The following XYLT1 variants were observed in gnomAD, a reference collection of about 807,000 sequenced individuals.
The protein encoded by XYLT1 is beta-D-xylosyltransferase 1.
XYLT1 carries 36 observed loss-of-function variants against 91.3 expected under a neutral mutation model. The ratio of observed to expected loss-of-function variants is 0.39; its 90% CI spans 0.30 to 0.52. XYLT1 has a LOEUF of 0.52. Among genes scored for constraint, XYLT1 ranks in the 20% least tolerant of loss-of-function variants. The pLI, the probability that XYLT1 is intolerant of heterozygous loss-of-function variation, is 0.68. For synonymous variants in XYLT1, 588 were observed against 532.0 expected, an observed-to-expected ratio of 1.11 and a Z score of -1.45; for missense variants, 1,242 against 1,284.5, an observed-to-expected ratio of 0.97 and a Z score of 0.51.
At chr16:17,343,006 T>C (rs550265411) in intron 2 of XYLT1, among the ~76,000 whole-genome samples, 70 of 152,076 alleles carry the variant, frequency 4.6e-4, no homozygotes, top group Non-Finnish European at 8.4e-4. Context: ...AAAAAACATG[T>C]TTCCAGTCAC....
chr16:17,423,503 G>A (rs1211652119), intron 1 of XYLT1, among the ~76,000 whole-genome samples: 2 of 152,202 alleles, frequency 1.3e-5, no homozygotes, highest in African/African-American at 4.8e-5. Context: ...TCATCCTTGG[G>A]ACTGTGCAGT....
At chr16:17,351,351 A>G (rs2035217434) in intron 2 of XYLT1, among the ~76,000 whole-genome samples, 1 of 152,116 alleles carries the variant, frequency 6.6e-6, no homozygotes, top group Non-Finnish European at 1.5e-5. Context: ...CATTTCTACT[A>G]AAAATACAAA....
chr16:17,229,277 G>A (rs981619227), intron 3 of XYLT1, among the ~76,000 whole-genome samples: 1 of 152,214 alleles, frequency 6.6e-6, no homozygotes, highest in African/African-American at 2.4e-5. Flanking sequence ...GCCCGGGCCA[G>A]TCCTGGCCCG....
chr16:17,346,838 T>G (rs1318014220), intron 2 of XYLT1, among the ~76,000 whole-genome samples: 3 of 152,194 alleles, frequency 2.0e-5, no homozygotes, highest in Non-Finnish European at 4.4e-5. Context: ...ATTTCTGTCC[T>G]CGACCCCACC....
At chr16:17,126,889 C>T (rs142336571) in intron 10 of XYLT1, among the ~76,000 whole-genome samples, 115 of 152,220 alleles carry the variant, frequency 7.6e-4, no homozygotes, top group Admixed American at 2.2e-3. Context: ...CTGGGGATAC[C>T]ACAGTGAAGA....
chr16:17,280,548 A>G (rs137918417), intron 2 of XYLT1, among the ~76,000 whole-genome samples: 2 of 152,324 alleles, frequency 1.3e-5, no homozygotes, highest in East Asian at 1.9e-4. Flanking sequence ...GTGCCCTTCC[A>G]TGTACCAATT....
chr16:17,205,698 C>T (rs933105871), intron 3 of XYLT1, among the ~76,000 whole-genome samples: 1 of 152,166 alleles, frequency 6.6e-6, no homozygotes, highest in Non-Finnish European at 1.5e-5. Flanking sequence ...CACTGACTCC[C>T]AGGGCTGTGT....
intron 3 of XYLT1, among the ~76,000 whole-genome samples, chr16:17,254,538 G>A (rs1028536347): frequency 2.0e-5 from 3 of 152,070 alleles, no homozygotes; most frequent in Admixed American, 1.3e-4. Flanking sequence ...GGGATTACAG[G>A]CATGCGCCAC....
intron 2 of XYLT1, among the ~76,000 whole-genome samples, chr16:17,266,486 G>A (rs1255811288): frequency 2.0e-5 from 3 of 152,150 alleles, no homozygotes; most frequent in Non-Finnish European, 4.4e-5. Context: ...TAAGGTTCAG[G>A]GAGGTTAAAT....
At chr16:17,171,573 C>T (rs1020403232) in intron 5 of XYLT1, among the ~76,000 whole-genome samples, 1 of 152,210 alleles carries the variant, frequency 6.6e-6, no homozygotes, top group Non-Finnish European at 1.5e-5. Flanking sequence ...TGAGAAATTT[C>T]AAAAGGATTT....
intron 5 of XYLT1, among the ~76,000 whole-genome samples, chr16:17,194,707 G>A (rs1162758199): frequency 1.3e-5 from 2 of 152,208 alleles, no homozygotes; most frequent in African/African-American, 4.8e-5. Context: ...CTAAGAGGCC[G>A]ACTAAAAGCC....
intron 2 of XYLT1, among the ~76,000 whole-genome samples, chr16:17,306,832 T>C (rs1405011982): frequency 1.3e-5 from 2 of 152,048 alleles, no homozygotes; most frequent in Non-Finnish European, 2.9e-5. Context: ...ATTCATGAAG[T>C]CAAAAGGGTA....
intron 6 of XYLT1, among the ~76,000 whole-genome samples, chr16:17,158,478 G>A (rs1484140709): frequency 6.6e-6 from 1 of 152,210 alleles, no homozygotes; most frequent in African/African-American, 2.4e-5. Flanking sequence ...AACGATCTGG[G>A]GACGTTGCTT....
intron 1 of XYLT1, among the ~76,000 whole-genome samples, chr16:17,391,866 C>T (rs1031578692): frequency 1.3e-5 from 2 of 152,100 alleles, no homozygotes; most frequent in African/African-American, 4.8e-5. Flanking sequence ...GGGTGGTTCC[C>T]CCTTTCACTT....
At chr16:17,261,133 C>T (rs1048906039) in intron 2 of XYLT1, among the ~76,000 whole-genome samples, 1 of 150,946 alleles carries the variant, frequency 6.6e-6, no homozygotes, top group Non-Finnish European at 1.5e-5. Flanking sequence ...TCTCAGCTAA[C>T]TCAGAAATCT....
Position 17,259,016 on chromosome 16 carries a change from C to T in XYLT1, c.885G>A (p.Glu295=). Residue 295 remains glutamate, a synonymous_variant, in exon 3 of 12, where the codon GAG becomes GAA. Coordinates refer to ENST00000261381, the MANE Select transcript of XYLT1 (RefSeq NM_022166.4). ...CRHKLGLLMP[E]KVTRFCPLEG... ...CGAGGGGGCAGAACCGAGTCACCTTCTCAGGCATCAGCAGCCCTAACTTGT... is the reference window on the plus strand; with the variant it reads ...CGAGGGGGCAGAACCGAGTCACCTTTTCAGGCATCAGCAGCCCTAACTTGT... 1 of 1,509,542 alleles carries T rather than the reference C, an allele frequency of 6.6e-7. No individual in the cohort carries two copies. The highest frequency in any genetic ancestry group is 1.4e-5 in the South Asian group (1 of 73,322). The allele number at this position is 1,509,542 out of a possible 1,614,324, so 93.5% of individuals were successfully genotyped here.
At chr16:17,465,491 A>C (rs2036881635) in intron 1 of XYLT1, among the ~76,000 whole-genome samples, 1 of 140,824 alleles carries the variant, frequency 7.1e-6, no homozygotes, top group Non-Finnish European at 1.5e-5. Context: ...GGGTGTCCTT[A>C]GTTTTAACTT....
At chr16:17,246,247 G>A (rs1332635380) in intron 3 of XYLT1, among the ~76,000 whole-genome samples, 1 of 152,168 alleles carries the variant, frequency 6.6e-6, no homozygotes, top group Non-Finnish European at 1.5e-5. Context: ...AACCTTCTTA[G>A]GATAGCCCTT....
chr16:17,191,074 G>A (rs1246701587), intron 5 of XYLT1, among the ~76,000 whole-genome samples: 1 of 152,182 alleles, frequency 6.6e-6, no homozygotes, highest in Non-Finnish European at 1.5e-5. Flanking sequence ...GCAGCCTGAA[G>A]CCATGGTTTT....
Sources: gnomAD v4.1 joint callset for allele counts (sites outside exome capture counted in the v4.1 genomes callset) on GRCh38, gnomAD v4.1.1 for gene constraint, MANE v1.5 for transcripts, NCBI Gene and HGNC (gene_info 2026-07-23, HGNC 2026-07-21) for gene names.